CDKAL1: variants seen among roughly 807,000 people sequenced by gnomAD.
CDKAL1 encodes threonylcarbamoyladenosine tRNA methylthiotransferase.
Under a neutral mutation model 68.2 loss-of-function variants are expected in CDKAL1, and 32 were observed. The observed-to-expected ratio is 0.47, with a 90% CI of 0.35 to 0.63. CDKAL1 has a LOEUF of 0.63. CDKAL1 is among the 30% of genes least tolerant of loss of function. The pLI is 0.00. For missense variants in CDKAL1, 606 were observed against 696.7 expected, an observed-to-expected ratio of 0.87 and a Z score of 1.47; for synonymous variants, 234 against 244.3, an observed-to-expected ratio of 0.96 and a Z score of 0.39.
chr6:21,226,076 G>A (rs982597030), intron 15 of CDKAL1, among the ~76,000 whole-genome samples: 4 of 152,188 alleles, frequency 2.6e-5, no homozygotes, highest in Admixed American at 6.5e-5. Flanking sequence ...CCCAGAGCTC[G>A]AGGACTTACT....
At chr6:21,071,112 C>T (rs1204004677) in intron 12 of CDKAL1, among the ~76,000 whole-genome samples, 3 of 152,114 alleles carry the variant, frequency 2.0e-5, no homozygotes, top group Non-Finnish European at 1.5e-5. Context: ...TTTCCATGTT[C>T]TAATTAAATT....
Position 20,837,937 on chromosome 6 carries a change from TTGTGTGTGTGTGTGTGTGTG to T in CDKAL1, c.639-8112_639-8093del, listed in dbSNP as rs531904726. Among the ~76,000 whole-genome samples the T allele has an allele frequency of 4.8e-4, 59 of 123,202 alleles. 1 individual carries two copies. Among genetic ancestry groups the T allele is most frequent in the Non-Finnish European group, 6.6e-4 (39 of 59,246 alleles). The allele number at this position is 123,202 out of a possible 152,430, so 80.8% of individuals were successfully genotyped here. A position where few individuals can be genotyped will look rare whatever the true frequency, so the allele number is the denominator to read the frequency against. ...AGTTAGGGGTGGAGCTGGGAAGAAA[TTGTGTGTGTGTGTGTGTGTG>T]TGTGTGTGTGTGTGTGTGTGTGTGT... On this transcript the variant is annotated intron_variant, in intron 8 of 15. Coordinates refer to ENST00000274695, the MANE Select transcript of CDKAL1 (RefSeq NM_017774.3).
In CDKAL1 at chr6:20,779,029, A is replaced by T. The variant is rs1276318975; in HGVS notation, c.518-2116A>T. ...TAAGAAATACATTTGGCTGATAATCACATGAGAAGGTACTCAACATCATTC... is the reference window on the plus strand; with the variant it reads ...TAAGAAATACATTTGGCTGATAATCTCATGAGAAGGTACTCAACATCATTC... On this transcript the variant is annotated intron_variant, in intron 7 of 15. Coordinates refer to ENST00000274695, the MANE Select transcript of CDKAL1 (RefSeq NM_017774.3). 4.6e-5 allele frequency among the ~76,000 whole-genome samples: 7 copies of T among 152,338 alleles called. No homozygotes were observed. The East Asian group carries it at 1.4e-3, about 29-fold the overall frequency.
At chr6:20,764,742 A>G (rs1297354554) in intron 7 of CDKAL1, among the ~76,000 whole-genome samples, 1 of 152,196 alleles carries the variant, frequency 6.6e-6, no homozygotes, top group Non-Finnish European at 1.5e-5. Flanking sequence ...GTAGCATGGT[A>G]TATCTGGGAG....
At chr6:21,124,667 A>G (rs1474154042) in intron 13 of CDKAL1, among the ~76,000 whole-genome samples, 1 of 150,944 alleles carries the variant, frequency 6.6e-6, no homozygotes, top group Admixed American at 6.6e-5. Context: ...AATGGCCACA[A>G]AGAGAACGAG....
chr6:20,927,101 C>T (rs1278435471), intron 9 of CDKAL1, among the ~76,000 whole-genome samples: 1 of 152,032 alleles, frequency 6.6e-6, no homozygotes, highest in African/African-American at 2.4e-5. Flanking sequence ...TCATTATTTA[C>T]AGTGTATTAT....
At chr6:21,014,454 C>A (rs1016314324) in intron 11 of CDKAL1, among the ~76,000 whole-genome samples, 1 of 151,774 alleles carries the variant, frequency 6.6e-6, no homozygotes, top group African/African-American at 2.4e-5. Context: ...TGCAAACAAA[C>A]AAAAAAATTA....
At chr6:20,709,124 TA>T (rs57111800) in intron 5 of CDKAL1, among the ~76,000 whole-genome samples, 15,917 of 149,802 alleles carry the variant, frequency 0.11, 1,641 homozygotes, top group African/African-American at 0.27. Flanking sequence ...TAACAGCTGT[TA>T]AAAAAAAAAT....
chr6:20,735,521 G>C (rs907107224), intron 5 of CDKAL1, among the ~76,000 whole-genome samples: 1 of 152,030 alleles, frequency 6.6e-6, no homozygotes, highest in Non-Finnish European at 1.5e-5. Context: ...CCTCCCACTG[G>C]GCTCCTCCCG....
chr6:21,106,391 A>G (rs1773844104), intron 12 of CDKAL1, among the ~76,000 whole-genome samples: 1 of 152,178 alleles, frequency 6.6e-6, no homozygotes, highest in Non-Finnish European at 1.5e-5. Context: ...TGCAGATTCA[A>G]CAAACAGGGC....
At chr6:20,767,669 A>G (rs1774759536) in intron 7 of CDKAL1, among the ~76,000 whole-genome samples, 1 of 152,178 alleles carries the variant, frequency 6.6e-6, no homozygotes, top group Non-Finnish European at 1.5e-5. Context: ...TAGTGATGTT[A>G]TGGATCTTTT....
At chr6:21,201,043 T>A (rs933899726) in intron 14 of CDKAL1, 67 bp from the exon 15 acceptor site, 2 of 1,405,508 alleles carry the variant, frequency 1.4e-6, no homozygotes, top group Admixed American at 1.9e-5. Flanking sequence ...ATTCTATAAA[T>A]CTGAAACTGT....
intron 11 of CDKAL1, among the ~76,000 whole-genome samples, chr6:21,049,111 G>A (rs1456487481): frequency 6.6e-6 from 1 of 152,120 alleles, no homozygotes; most frequent in Non-Finnish European, 1.5e-5. Flanking sequence ...GTATCAGAAT[G>A]GCAGATGGGT....
chr6:21,114,704 A>C (rs1562042905), intron 13 of CDKAL1, among the ~76,000 whole-genome samples: 6 of 152,166 alleles, frequency 3.9e-5, no homozygotes, highest in Admixed American at 3.3e-4. Flanking sequence ...GCACCACTGC[A>C]CTCTAGCCTC....
Position 21,065,216 on chromosome 6 carries a change from TC to T in CDKAL1, c.1226del (p.Pro409GlnfsTer4). On this transcript the variant is annotated frameshift_variant, in exon 12 of 16. Transcript: ENST00000274695. LOFTEE classifies it high-confidence loss of function. The part of the protein sequence containing the change: ...GTPAAKMEQV[P>X]AQVKKQRTKD... ...CTCCTGCTGCAAAAATGGAACAAGT[TC>T]CAGCACAAGTGGTAAGATCTTTTTC... is the stretch of plus-strand genomic sequence containing the variant. The T allele has an allele frequency of 6.2e-7, 1 of 1,606,984 alleles. No homozygotes were observed. The highest frequency in any genetic ancestry group is 8.5e-7 in the Non-Finnish European group (1 of 1,177,810).
chr6:20,678,238 G>A (rs1195576582), intron 5 of CDKAL1, among the ~76,000 whole-genome samples: 2 of 152,062 alleles, frequency 1.3e-5, no homozygotes, highest in Non-Finnish European at 2.9e-5. Context: ...ATCTATAGAT[G>A]TTCTAATTTT....
intron 4 of CDKAL1, among the ~76,000 whole-genome samples, chr6:20,624,199 G>T (rs1236557632): frequency 6.6e-6 from 1 of 151,900 alleles, no homozygotes; most frequent in East Asian, 1.9e-4. Context: ...CAAGGATGAG[G>T]AAGTATAAAC....
chr6:20,996,923 C>CTGTTTACCTACTTGAATATATGTT (rs1767150043), intron 10 of CDKAL1, among the ~76,000 whole-genome samples: 1 of 152,156 alleles, frequency 6.6e-6, no homozygotes, highest in African/African-American at 2.4e-5. Flanking sequence ...GATTAAATGC[C>CTGTTTACCTACTTGAATATATGTT]TGTTTACCTA....
chr6:20,588,597 C>G (rs1020894391), intron 4 of CDKAL1, among the ~76,000 whole-genome samples: 1 of 152,166 alleles, frequency 6.6e-6, no homozygotes, highest in Non-Finnish European at 1.5e-5. Context: ...CTCCTACGTT[C>G]GGTAGCTCTA....
Sources: gnomAD v4.1 joint callset for allele counts (sites outside exome capture counted in the v4.1 genomes callset) on GRCh38, gnomAD v4.1.1 for gene constraint, MANE v1.5 for transcripts, NCBI Gene and HGNC (gene_info 2026-07-23, HGNC 2026-07-21) for gene names.